LYPD6: variants seen among roughly 807,000 people sequenced by gnomAD.
LYPD6 encodes ly6/PLAUR domain-containing protein 6.
Under a neutral mutation model 22.7 loss-of-function variants are expected in LYPD6, and 15 were observed. The ratio of observed to expected loss-of-function variants is 0.66; its 90% CI spans 0.44 to 1.02. The LOEUF (loss-of-function observed/expected upper bound fraction) is 1.02. LYPD6 is among the 50% of genes least tolerant of loss of function. The pLI is 0.00. For synonymous variants in LYPD6, 72 were observed against 77.5 expected (o/e 0.93, Z 0.37); for missense variants, 189 against 208.4 (o/e 0.91, Z 0.57).
chr2:149,468,685 A>G lies in LYPD6; in HGVS notation c.258A>G (p.Thr86=). The change falls in exon 4 of 5, where the codon ACA becomes ACG. Residue 86 remains threonine, a synonymous_variant. Coordinates refer to ENST00000334166, the MANE Select transcript of LYPD6 (RefSeq NM_194317.5). ...ACACTCAGCACACAATGGAAGTCACAGGAAACAGTATCTCAGTCACCAAAC... is the reference window on the plus strand; with the variant it reads ...ACACTCAGCACACAATGGAAGTCACGGGAAACAGTATCTCAGTCACCAAAC... ...YCYTQHTMEV[T]GNSISVTKRC... 6.2e-7 allele frequency: 1 copy of G among 1,613,660 alleles called. No individual in the cohort carries two copies. Among genetic ancestry groups the G allele is most frequent in the Non-Finnish European group, 8.5e-7 (1 of 1,179,654 alleles).
the LYPD6 span, among the ~76,000 whole-genome samples, chr2:149,480,499 T>A: frequency 2.3e-4 from 33 of 143,688 alleles, no homozygotes; most frequent in African/African-American, 8.1e-4. Flanking sequence ...TTAGATCAAG[T>A]CCCCTTGTTG....
intron 1 of LYPD6, among the ~76,000 whole-genome samples, chr2:149,426,030 G>A (rs1405267942): frequency 1.3e-5 from 2 of 152,208 alleles, no homozygotes; most frequent in African/African-American, 4.8e-5. Context: ...AGAAATATTG[G>A]TTAAGATTTA....
rs550868026 is a variant in LYPD6 at position 149,443,371 on chromosome 2, A to G, written c.118+5545A>G. On this transcript the variant is annotated intron_variant, in intron 2 of 4. Transcript: ENST00000334166. ...ACTGGCTGCAGTGACAGACAGATAA[A>G]ATTGGATGCCCCAGTGAATTAATCA... is the stretch of plus-strand genomic sequence containing the variant. 1.7e-4 allele frequency among the ~76,000 whole-genome samples: 26 copies of G among 152,350 alleles called. No homozygotes were observed. In the South Asian group the frequency reaches 5.4e-3, roughly 32 times the overall value.
intron 1 of LYPD6, among the ~76,000 whole-genome samples, chr2:149,426,484 C>T (rs1267426808): frequency 6.6e-6 from 1 of 152,086 alleles, no homozygotes; most frequent in Admixed American, 6.6e-5. Context: ...CAGCTAGCTA[C>T]AAGGGCAGAT....
At chr2:149,463,315 A>G (rs887345768) in intron 3 of LYPD6, among the ~76,000 whole-genome samples, 2 of 152,192 alleles carry the variant, frequency 1.3e-5, no homozygotes, top group Admixed American at 6.5e-5. Flanking sequence ...GGGAAATGCA[A>G]ATTTCAAACA....
intron 1 of LYPD6, among the ~76,000 whole-genome samples, chr2:149,407,479 C>T (rs1682744208): frequency 1.3e-5 from 2 of 152,116 alleles, no homozygotes; most frequent in Non-Finnish European, 2.9e-5. Context: ...TCATTTCATT[C>T]ATTTGATCTT....
intron 3 of LYPD6, among the ~76,000 whole-genome samples, chr2:149,462,610 G>A (rs1189430437): frequency 2.0e-5 from 3 of 151,484 alleles, no homozygotes; most frequent in Non-Finnish European, 4.4e-5. Flanking sequence ...TAGCTAAAAC[G>A]ATTTTGAAAA....
intron 4 of LYPD6, 56 bp from the exon 5 acceptor site, chr2:149,470,627 G>T: frequency 1.9e-6 from 3 of 1,540,818 alleles, no homozygotes; most frequent in Non-Finnish European, 2.7e-6. Flanking sequence ...CAAAAACCCT[G>T]CCTCCTTCCA....
intron 1 of LYPD6, among the ~76,000 whole-genome samples, chr2:149,426,264 G>A (rs943857122): frequency 6.6e-6 from 1 of 152,254 alleles, no homozygotes; most frequent in East Asian, 1.9e-4. Context: ...TATTTCAAAG[G>A]CCAAATGGAA....
At chr2:149,424,643 G>T (rs757288825) in intron 1 of LYPD6, among the ~76,000 whole-genome samples, 2 of 151,998 alleles carry the variant, frequency 1.3e-5, no homozygotes, top group African/African-American at 2.4e-5. Flanking sequence ...GCTTTCTAAA[G>T]GAAGTGAACT....
chr2:149,340,688 G>C (rs1428813842), intron 1 of LYPD6, among the ~76,000 whole-genome samples: 1 of 152,166 alleles, frequency 6.6e-6, no homozygotes, highest in African/African-American at 2.4e-5. Context: ...TCCCAGATGT[G>C]TAGGAACCAA....
intron 1 of LYPD6, among the ~76,000 whole-genome samples, chr2:149,344,771 A>G (rs946013289): frequency 6.6e-6 from 1 of 152,214 alleles, no homozygotes; most frequent in African/African-American, 2.4e-5. Context: ...GAAGGTATAG[A>G]CATCCAGGAT....
chr2:149,486,061 A>G, the LYPD6 span, among the ~76,000 whole-genome samples: 1 of 152,196 alleles, frequency 6.6e-6, no homozygotes, highest in Non-Finnish European at 1.5e-5. Context: ...TCACAAAAAG[A>G]TATAGACCTT....
At chr2:149,362,160 G>A (rs1022637539) in intron 1 of LYPD6, among the ~76,000 whole-genome samples, 1 of 152,076 alleles carries the variant, frequency 6.6e-6, no homozygotes, top group Non-Finnish European at 1.5e-5. Flanking sequence ...TGTAAGTTTC[G>A]AGCTACTAAT....
chr2:149,394,882 A>T (rs550742082), intron 1 of LYPD6, among the ~76,000 whole-genome samples: 14 of 152,302 alleles, frequency 9.2e-5, no homozygotes, highest in African/African-American at 2.9e-4. Flanking sequence ...TTCTACAAAA[A>T]GTCACCCTCC....
At chr2:149,354,455 C>T (rs924054411) in intron 1 of LYPD6, among the ~76,000 whole-genome samples, 1 of 152,128 alleles carries the variant, frequency 6.6e-6, no homozygotes, top group Admixed American at 6.5e-5. Flanking sequence ...ATCTGCCCAC[C>T]TCAGCCTCCC....
At chr2:149,382,606 C>G (rs898920463) in intron 1 of LYPD6, among the ~76,000 whole-genome samples, 1 of 152,178 alleles carries the variant, frequency 6.6e-6, no homozygotes, top group African/African-American at 2.4e-5. Flanking sequence ...GTATTACTCT[C>G]TATACCATAA....
chr2:149,472,912 T>C lies in LYPD6; in HGVS notation c.*2062T>C, dbSNP rs921993682. The C allele has an allele frequency of 6.6e-6, 1 of 152,586 alleles. No homozygotes were observed. Among genetic ancestry groups the C allele is most frequent in the Non-Finnish European group, 1.5e-5 (1 of 68,018 alleles). 9.5% of individuals were successfully genotyped at this position (152,586 alleles called of 1,614,324 possible). On this transcript the variant is annotated 3_prime_UTR_variant, in exon 5 of 5. Coordinates refer to ENST00000334166, the MANE Select transcript of LYPD6 (RefSeq NM_194317.5). ...GCCTGACTTCATAGGAATTCATCCA[T>C]CTTATCATGTGGAGTTTATCTCACC...
intron 2 of LYPD6, among the ~76,000 whole-genome samples, chr2:149,444,481 T>C (rs993516134): frequency 1.3e-5 from 2 of 152,240 alleles, no homozygotes; most frequent in Middle Eastern, 3.2e-3. Context: ...TAGCATGTGA[T>C]GCTGTTTGAC....
Sources: allele counts gnomAD v4.1 joint callset (sites outside exome capture counted in the v4.1 genomes callset), GRCh38; gene constraint gnomAD v4.1.1; transcripts MANE v1.5; gene names NCBI Gene and HGNC (gene_info 2026-07-23, HGNC 2026-07-21).